The following CRYBG1 variants were observed in gnomAD, a reference collection of about 807,000 sequenced individuals.
The protein encoded by CRYBG1 is beta/gamma crystallin domain-containing protein 1.
CRYBG1 carries 139 observed loss-of-function variants against 189.2 expected under a neutral mutation model. The observed-to-expected ratio is 0.73, with a 90% CI of 0.64 to 0.85. CRYBG1 has a LOEUF of 0.85. Among genes scored for constraint, CRYBG1 ranks in the 40% least tolerant of loss-of-function variants. The pLI is 0.00. For missense variants in CRYBG1, 2,611 were observed against 2,675.8 expected, an observed-to-expected ratio of 0.98 and a Z score of 0.53; for synonymous variants, 1,023 against 1,017.1, an observed-to-expected ratio of 1.01 and a Z score of -0.11.
chr6:106,396,204 C>T (rs11152979), intron 1 of CRYBG1, among the ~76,000 whole-genome samples: 12,052 of 152,172 alleles, frequency 0.079, 630 homozygotes, highest in East Asian at 0.15. Context: ...CCTTTGAACT[C>T]AGCTATGAAT....
intron 6 of CRYBG1, 75 bp downstream of exon 6, chr6:106,525,461 T>C: frequency 8.8e-7 from 1 of 1,140,820 alleles, no homozygotes; most frequent in South Asian, 1.2e-5. Context: ...TAGTCCTCAC[T>C]ACTAGTTTAA....
chr6:106,564,693 T>C (rs897280935), intron 21 of CRYBG1, among the ~76,000 whole-genome samples: 1 of 152,176 alleles, frequency 6.6e-6, no homozygotes, highest in Non-Finnish European at 1.5e-5. Context: ...GAACCACTGA[T>C]AGTCATTTAA....
chr6:106,494,863 T>C (rs1179168649), intron 2 of CRYBG1, among the ~76,000 whole-genome samples: 1 of 152,106 alleles, frequency 6.6e-6, no homozygotes, highest in African/African-American at 2.4e-5. Context: ...TGTAAGTAAA[T>C]AAAAGCTGGA....
intron 1 of CRYBG1, among the ~76,000 whole-genome samples, chr6:106,405,081 T>A (rs1288460936): frequency 6.6e-6 from 1 of 151,770 alleles, no homozygotes; most frequent in African/African-American, 2.4e-5. Flanking sequence ...AGCCAAGTGG[T>A]CTAGCTCAGC....
rs1352298140 is a variant in CRYBG1, at chr6:106,512,173, G to A, written c.1056G>A (p.Ala352=). ...LPGEPPAEGA[A]HTASSAQADC... ...GTGAGCCTCCGGCCGAGGGCGCAGC[G>A]CACACGGCCAGCTCCGCGCAGGCAG... is the stretch of plus-strand genomic sequence containing the variant. The change falls in exon 3 of 22, where the codon GCG becomes GCA. Residue 352 remains alanine (A), a synonymous_variant. Coordinates refer to ENST00000633556, the MANE Select transcript of CRYBG1 (RefSeq NM_001371242.2). 14 of 1,534,734 alleles carry A rather than the reference G, an allele frequency of 9.1e-6. No homozygotes were observed. Among genetic ancestry groups the A allele is most frequent in the East Asian group, 7.3e-5 (3 of 40,870 alleles).
At chr6:106,452,108 T>A (rs1299478618) in intron 2 of CRYBG1, among the ~76,000 whole-genome samples, 1 of 148,230 alleles carries the variant, frequency 6.7e-6, no homozygotes, top group Non-Finnish European at 1.5e-5. Flanking sequence ...AGCACCATGA[T>A]AATAAAGAAT....
At chr6:106,463,344 A>C (rs1256824762) in intron 2 of CRYBG1, among the ~76,000 whole-genome samples, 9 of 151,638 alleles carry the variant, frequency 5.9e-5, no homozygotes, top group Admixed American at 4.6e-4. Context: ...TCTCTTCTCT[A>C]CTTGTAATAG....
intron 21 of CRYBG1, among the ~76,000 whole-genome samples, chr6:106,565,443 G>A (rs1032336979): frequency 2.0e-5 from 3 of 152,190 alleles, no homozygotes; most frequent in Non-Finnish European, 4.4e-5. Context: ...TGTATGGGGA[G>A]CAAAAGTGGC....
chr6:106,444,041 T>C (rs979809707), intron 1 of CRYBG1, among the ~76,000 whole-genome samples: 4 of 152,226 alleles, frequency 2.6e-5, no homozygotes, highest in Non-Finnish European at 4.4e-5. Context: ...TGCTCCATGG[T>C]AATATCACCA....
rs899985158 is a variant in CRYBG1 at position 106,519,589 on chromosome 6, G to A, written c.2381G>A (p.Gly794Asp). 3.1e-6 allele frequency: 5 copies of A among 1,614,186 alleles called. No individual in the cohort carries two copies. The highest frequency in any genetic ancestry group is 2.2e-5 in the East Asian group (1 of 44,890). Residue 794 changes from glycine to aspartate, a missense_variant, in exon 4 of 22, where the codon GGC becomes GAC. Around this residue, in one of 3 missense-constraint regions of CRYBG1, gnomAD observed 1,622 missense variants for 1,735.0 expected, o/e 0.93. Transcript: ENST00000633556. The part of the protein sequence containing the change: ...DDKADVQTDA[G>D]CLSEPVASAL... ...AAAGCAGATGTACAAACAGATGCTGGCTGCCTTTCAGAACCAGTGGCTTCT... is the reference window on the plus strand; with the variant it reads ...AAAGCAGATGTACAAACAGATGCTGACTGCCTTTCAGAACCAGTGGCTTCT...
At chr6:106,566,174 A>G (rs1394437503) in intron 21 of CRYBG1, among the ~76,000 whole-genome samples, 1 of 151,608 alleles carries the variant, frequency 6.6e-6, no homozygotes, top group Admixed American at 6.6e-5. Flanking sequence ...CGTGAAAAAA[A>G]AAAAAAAAAG....
chr6:106,519,504 G>A lies in CRYBG1; in HGVS notation c.2296G>A (p.Gly766Arg), dbSNP rs1283175017. The change falls in exon 4 of 22, where the codon GGA (glycine) becomes AGA (arginine). Residue 766 changes from glycine to arginine, a missense_variant. Physicochemically the swap from Gly to Arg is moderately radical, Grantham distance 125. This residue lies in a region of CRYBG1 where 1,622 missense variants were observed against 1,735.0 expected (regional missense o/e 0.93). Coordinates refer to ENST00000633556, the MANE Select transcript of CRYBG1 (RefSeq NM_001371242.2). ...SEEEILPATR[G>R]MNGDSSENQA... ...AGAAGAGATTCTGCCAGCAACCAGA[G>A]GAATGAATGGAGACTCTTCTGAGAA... 1 of 1,614,092 alleles carries A rather than the reference G, an allele frequency of 6.2e-7. No individual in the cohort carries two copies. The highest frequency in any genetic ancestry group is 1.3e-5 in the African/African-American group (1 of 75,020).
At chr6:106,507,263 C>G (rs1400462270) in intron 2 of CRYBG1, among the ~76,000 whole-genome samples, 1 of 152,210 alleles carries the variant, frequency 6.6e-6, no homozygotes, top group East Asian at 1.9e-4. Context: ...CTACAATAGT[C>G]CTGTTGTGGA....
chr6:106,464,544 C>T (rs577748380), intron 2 of CRYBG1, among the ~76,000 whole-genome samples: 1 of 151,500 alleles, frequency 6.6e-6, no homozygotes, highest in South Asian at 2.1e-4. Flanking sequence ...GAATAAGATC[C>T]CTAAATAATG....
At chr6:106,433,111 T>C (rs953599776) in intron 1 of CRYBG1, among the ~76,000 whole-genome samples, 36 of 152,156 alleles carry the variant, frequency 2.4e-4, no homozygotes, top group African/African-American at 6.5e-4. Context: ...AGTGCTGGGA[T>C]TACAGGCAGG....
At chr6:106,516,467 G>A (rs186304806) in intron 3 of CRYBG1, among the ~76,000 whole-genome samples, 206 of 151,960 alleles carry the variant, frequency 1.4e-3, no homozygotes, top group Non-Finnish European at 2.4e-3. Context: ...CTCCTGACCT[G>A]AAGTGATCCA....
Position 106,568,632 on chromosome 6 carries a change from C to CCTG in CRYBG1, c.*66_*67insCTG. The CCTG allele has an allele frequency of 8.3e-7, 1 of 1,207,878 alleles. No homozygotes were observed. Among genetic ancestry groups the CCTG allele is most frequent in the South Asian group, 1.3e-5 (1 of 79,692 alleles). The allele number at this position is 1,207,878 out of a possible 1,614,324, so 74.8% of individuals were successfully genotyped here. A position where few individuals can be genotyped will look rare whatever the true frequency, so the allele number is the denominator to read the frequency against. On this transcript the variant is annotated 3_prime_UTR_variant, in exon 22 of 22. Transcript: ENST00000633556. ...ACCTTATTTCTTAAAAAGGACAATGCTGATGGAAGACCAGACTGGAAAGTG... is the reference window on the plus strand; with the variant it reads ...ACCTTATTTCTTAAAAAGGACAATGCCTGTGATGGAAGACCAGACTGGAAAGTG...
intron 2 of CRYBG1, among the ~76,000 whole-genome samples, chr6:106,460,615 A>G (rs1416357178): frequency 6.6e-6 from 1 of 152,100 alleles, no homozygotes; most frequent in Non-Finnish European, 1.5e-5. Flanking sequence ...CCCTTACTCT[A>G]GAGAGGATAT....
chr6:106,481,411 G>A (rs1772454400), intron 2 of CRYBG1, among the ~76,000 whole-genome samples: 1 of 152,072 alleles, frequency 6.6e-6, no homozygotes, highest in Non-Finnish European at 1.5e-5. Flanking sequence ...ATCATGAGAG[G>A]TAGATAAGGT....
Sources: allele counts gnomAD v4.1 joint callset (sites outside exome capture counted in the v4.1 genomes callset), GRCh38; gene constraint gnomAD v4.1.1; regional missense constraint gnomAD v4.1.1; transcripts MANE v1.5; gene names NCBI Gene and HGNC (gene_info 2026-07-23, HGNC 2026-07-21).